The following LARP4B variants were observed in gnomAD, a reference collection of about 807,000 sequenced individuals.
The protein encoded by LARP4B is La ribonucleoprotein 4B, also known as la-related protein 4B.
A neutral mutation model predicts 89.8 loss-of-function variants in LARP4B; 12 were observed. The ratio of observed to expected loss-of-function variants is 0.13; its 90% CI spans 0.09 to 0.22. LARP4B has a LOEUF of 0.22. Among genes scored for constraint, LARP4B ranks in the 10% least tolerant of loss-of-function variants. LARP4B has a pLI of 1.00. For missense variants in LARP4B, 757 were observed against 947.7 expected, an observed-to-expected ratio of 0.80 and a Z score of 2.64; for synonymous variants, 367 against 363.3, an observed-to-expected ratio of 1.01 and a Z score of -0.12.
chr10:824,118 ATT>A (rs1389802958), intron 13 of LARP4B, among the ~76,000 whole-genome samples: 1 of 152,192 alleles, frequency 6.6e-6, no homozygotes, highest in Admixed American at 6.5e-5. Context: ...AAGCTCAGGT[ATT>A]TGAGTCACTT....
intron 1 of LARP4B, 106 bp from the exon 2 acceptor site, chr10:885,866 G>A (rs530633397): frequency 3.2e-4 from 176 of 554,718 alleles, no homozygotes; most frequent in African/African-American, 3.1e-3. Flanking sequence ...TTATCCCTCT[G>A]AATTCAAAAA....
chr10:825,861 A>G lies in LARP4B; in HGVS notation c.1135T>C (p.Phe379Leu), dbSNP rs534148931. The change falls in exon 12 of 18, where the codon TTT (phenylalanine) becomes CTT (leucine). Residue 379 changes from phenylalanine to leucine, a missense_variant. By Grantham distance (22) the Phe-to-Leu change is conservative. Transcript: ENST00000316157. ...CCATTTATAAATCCAGTATTTGGAA[A>G]TGGAGTTACCTAGATTCATTTGAAA... is the stretch of plus-strand genomic sequence containing the variant. ...SYLDPPLVTP[F>L]PNTGFINGFT... 27 of 1,607,516 alleles carry G rather than the reference A, an allele frequency of 1.7e-5. No individual in the cohort carries two copies. The highest frequency in any genetic ancestry group is 2.2e-5 in the Non-Finnish European group (26 of 1,175,310).
chr10:833,490 AAAG>A (rs1255499641), intron 8 of LARP4B, among the ~76,000 whole-genome samples: 3 of 152,210 alleles, frequency 2.0e-5, no homozygotes, highest in African/African-American at 7.2e-5. Context: ...GAAAGAAAAT[AAAG>A]AAGAGACAAA....
chr10:938,776 G>A, the LARP4B span, among the ~76,000 whole-genome samples: 4 of 152,140 alleles, frequency 2.6e-5, no homozygotes, highest in Non-Finnish European at 5.9e-5. Flanking sequence ...AAATCCGAGG[G>A]TAGGATATAT....
At chr10:818,653 T>G (rs1226508301) in intron 14 of LARP4B, 1 of 152,280 alleles carries the variant, frequency 6.6e-6, no homozygotes, top group African/African-American at 2.4e-5. Flanking sequence ...GGCAGTCATT[T>G]TGCGAGTACG....
intron 5 of LARP4B, among the ~76,000 whole-genome samples, chr10:850,721 T>A (rs891223521): frequency 6.6e-6 from 1 of 152,122 alleles, no homozygotes; most frequent in Non-Finnish European, 1.5e-5. Context: ...TTTGAAGCCA[T>A]AAAATAAGAC....
At chr10:885,614 C>A in intron 2 of LARP4B, 27 bp downstream of exon 2, 1 of 1,580,152 alleles carries the variant, frequency 6.3e-7, no homozygotes, top group Non-Finnish European at 8.7e-7. Context: ...CAATGGACTC[C>A]CCACCACCCC....
At chr10:938,465 G>A in the LARP4B span, among the ~76,000 whole-genome samples, 1 of 151,712 alleles carries the variant, frequency 6.6e-6, no homozygotes, top group Non-Finnish European at 1.5e-5. Flanking sequence ...GTGTTAGCCA[G>A]GATAGGCTTG....
At chr10:984,066 G>C in the LARP4B span, among the ~76,000 whole-genome samples, 3 of 152,298 alleles carry the variant, frequency 2.0e-5, no homozygotes, top group Non-Finnish European at 4.4e-5. Context: ...TCCTTGTGCA[G>C]ACCTTCAAAA....
At chr10:873,740 G>A (rs1327860980) in intron 3 of LARP4B, among the ~76,000 whole-genome samples, 1 of 152,198 alleles carries the variant, frequency 6.6e-6, no homozygotes, top group Non-Finnish European at 1.5e-5. Flanking sequence ...GTATCTGTAG[G>A]TATCAAGAAA....
intron 3 of LARP4B, among the ~76,000 whole-genome samples, chr10:868,378 T>TA (rs35215345): frequency 0.07 from 8,616 of 123,388 alleles, 376 homozygotes; most frequent in African/African-American, 0.13. Context: ...AAGATTTGCT[T>TA]AAAAAAAAAA....
chr10:882,009 C>A (rs571083289), intron 3 of LARP4B, among the ~76,000 whole-genome samples: 1 of 152,218 alleles, frequency 6.6e-6, no homozygotes, highest in South Asian at 2.1e-4. Flanking sequence ...GAGCTGGCCA[C>A]AGAAGGGAAC....
upstream of LARP4B, among the ~76,000 whole-genome samples, chr10:931,876 C>T (rs1384138298): frequency 6.6e-6 from 1 of 151,282 alleles, no homozygotes; most frequent in Non-Finnish European, 1.5e-5. Flanking sequence ...GCCCGCCCCG[C>T]CGCCTTCTTG....
the LARP4B span, among the ~76,000 whole-genome samples, chr10:985,028 T>C: frequency 6.6e-6 from 1 of 151,838 alleles, no homozygotes; most frequent in Non-Finnish European, 1.5e-5. Context: ...AAAAGGAGAG[T>C]GGCTTTGGAG....
intron 5 of LARP4B, among the ~76,000 whole-genome samples, chr10:849,961 G>A (rs1833959479): frequency 6.6e-6 from 1 of 152,198 alleles, no homozygotes; most frequent in Non-Finnish European, 1.5e-5. Context: ...GGAGCCTAAG[G>A]AGACGTAACA....
At chr10:830,152 T>A (rs1832825832) in intron 9 of LARP4B, among the ~76,000 whole-genome samples, 1 of 152,222 alleles carries the variant, frequency 6.6e-6, no homozygotes, top group Admixed American at 6.5e-5. Flanking sequence ...ATTCTTGATA[T>A]ATCTCCTTGT....
At chr10:892,885 C>T (rs1299551609) in intron 1 of LARP4B, among the ~76,000 whole-genome samples, 1 of 145,516 alleles carries the variant, frequency 6.9e-6, no homozygotes, top group African/African-American at 2.5e-5. Context: ...GAAAACCCTA[C>T]AAATTCACCA....
chr10:894,041 T>C (rs540022644), intron 1 of LARP4B, among the ~76,000 whole-genome samples: 1 of 152,152 alleles, frequency 6.6e-6, no homozygotes, highest in Non-Finnish European at 1.5e-5. Context: ...ATCGGAAAAA[T>C]CAAAATATCC....
At chr10:884,014 A>G (rs1835777413) in intron 3 of LARP4B, among the ~76,000 whole-genome samples, 1 of 152,236 alleles carries the variant, frequency 6.6e-6, no homozygotes, top group Admixed American at 6.5e-5. Flanking sequence ...AAAACCAATG[A>G]ATTCTACTTC....
Sources: allele counts gnomAD v4.1 joint callset (sites outside exome capture counted in the v4.1 genomes callset), GRCh38; gene constraint gnomAD v4.1.1; transcripts MANE v1.5; gene names NCBI Gene and HGNC (gene_info 2026-07-23, HGNC 2026-07-21).